The following HS6ST3 variants were observed in gnomAD, a reference collection of about 807,000 sequenced individuals.
HS6ST3 encodes heparan-sulfate 6-O-sulfotransferase 3.
HS6ST3 carries 12 observed loss-of-function variants against 36.7 expected under a neutral mutation model. The observed-to-expected ratio is 0.33, with a 90% CI of 0.21 to 0.53. HS6ST3 has a LOEUF of 0.53. Among genes scored for constraint, HS6ST3 ranks in the 20% least tolerant of loss-of-function variants. HS6ST3 has a pLI of 0.95. For synonymous variants in HS6ST3, 240 were observed against 257.5 expected (o/e 0.93, Z 0.65); for missense variants, 584 against 640.9 (o/e 0.91, Z 0.96).
At chr13:96,334,238 G>A (rs1304795700) in intron 1 of HS6ST3, among the ~76,000 whole-genome samples, 1 of 152,196 alleles carries the variant, frequency 6.6e-6, no homozygotes, top group Non-Finnish European at 1.5e-5. Context: ...TGTTGGAGGT[G>A]GGGCCTGGTG....
intron 1 of HS6ST3, among the ~76,000 whole-genome samples, chr13:96,765,561 G>T (rs1877087025): frequency 6.6e-6 from 1 of 151,190 alleles, no homozygotes; most frequent in Admixed American, 6.6e-5. Flanking sequence ...AAGTTTCTGT[G>T]AACAGAGATG....
At chr13:96,405,089 C>T (rs1237468342) in intron 1 of HS6ST3, among the ~76,000 whole-genome samples, 1 of 152,158 alleles carries the variant, frequency 6.6e-6, no homozygotes, top group Non-Finnish European at 1.5e-5. Flanking sequence ...AGCTGTGAGT[C>T]CAATTAAACC....
At chr13:96,215,810 G>GT (rs1314411175) in intron 1 of HS6ST3, among the ~76,000 whole-genome samples, 1 of 152,108 alleles carries the variant, frequency 6.6e-6, no homozygotes, top group African/African-American at 2.4e-5. Flanking sequence ...GCTTTGTATA[G>GT]TTGGACAATT....
chr13:96,242,372 A>T (rs2054565067), intron 1 of HS6ST3, among the ~76,000 whole-genome samples: 1 of 151,128 alleles, frequency 6.6e-6, no homozygotes. Context: ...CTACAGGTGC[A>T]CTCCTGGATA....
chr13:96,524,344 C>T (rs967882227), intron 1 of HS6ST3, among the ~76,000 whole-genome samples: 13 of 152,276 alleles, frequency 8.5e-5, no homozygotes, highest in African/African-American at 2.6e-4. Context: ...GCAGTCTGTC[C>T]GTTGTCAGAG....
rs535071092 is a variant in HS6ST3 at position 96,293,047 on chromosome 13, C to T, written c.707+201478C>T. Among the ~76,000 whole-genome samples, 10 of 151,992 alleles carry T rather than the reference C, an allele frequency of 6.6e-5. No homozygotes were observed. The East Asian group carries it at 1.2e-3, about 18-fold the overall frequency. The stretch of plus-strand genomic sequence containing the variant: ...TGGAGATATTAACATATGACACCTC[C>T]ACCCCCAAATCAATATTTTATTATT... On this transcript the variant is annotated intron_variant, in intron 1 of 1. Transcript: ENST00000376705.
chr13:96,224,544 A>G (rs1332773167), intron 1 of HS6ST3, among the ~76,000 whole-genome samples: 1 of 152,118 alleles, frequency 6.6e-6, no homozygotes, highest in African/African-American at 2.4e-5. Flanking sequence ...TTGAACTCCT[A>G]GGCTCAGTGA....
intron 1 of HS6ST3, among the ~76,000 whole-genome samples, chr13:96,250,995 C>T (rs923023036): frequency 5.9e-5 from 9 of 152,240 alleles, no homozygotes; most frequent in East Asian, 1.9e-4. Flanking sequence ...GGTTTTCTAG[C>T]ATTTTGTTCT....
chr13:96,183,571 A>G (rs2054250201), intron 1 of HS6ST3, among the ~76,000 whole-genome samples: 1 of 152,146 alleles, frequency 6.6e-6, no homozygotes, highest in Non-Finnish European at 1.5e-5. Flanking sequence ...TACTCTGTCC[A>G]TGACCACATC....
chr13:96,544,725 A>G (rs189208878), intron 1 of HS6ST3, among the ~76,000 whole-genome samples: 10 of 152,216 alleles, frequency 6.6e-5, no homozygotes, highest in Admixed American at 5.9e-4. Flanking sequence ...TTATTTGTGC[A>G]TAAAGTTTTC....
At chr13:96,688,260 C>A (rs1874845309) in intron 1 of HS6ST3, among the ~76,000 whole-genome samples, 1 of 150,742 alleles carries the variant, frequency 6.6e-6, no homozygotes, top group African/African-American at 2.5e-5. Flanking sequence ...CTCTCTCTGG[C>A]TTCAAATTTG....
At chr13:96,655,569 T>C (rs978778969) in intron 1 of HS6ST3, among the ~76,000 whole-genome samples, 2 of 152,114 alleles carry the variant, frequency 1.3e-5, no homozygotes, top group African/African-American at 2.4e-5. Flanking sequence ...ATTTATAAGA[T>C]TTTTTTGAAG....
At chr13:96,311,513 GA>G (rs2043216507) in intron 1 of HS6ST3, among the ~76,000 whole-genome samples, 1 of 152,142 alleles carries the variant, frequency 6.6e-6, no homozygotes, top group South Asian at 2.1e-4. Context: ...CTTATTCTTT[GA>G]TACTCCCGCC....
intron 1 of HS6ST3, among the ~76,000 whole-genome samples, chr13:96,495,829 T>C (rs1397401431): frequency 1.3e-5 from 2 of 152,002 alleles, no homozygotes; most frequent in Non-Finnish European, 2.9e-5. Context: ...CAAAACATCA[T>C]AAAAAAAATA....
chr13:96,699,132 A>T (rs2138451109), intron 1 of HS6ST3, among the ~76,000 whole-genome samples: 1 of 152,336 alleles, frequency 6.6e-6, no homozygotes, highest in African/African-American at 2.4e-5. Context: ...TGTTAGACCT[A>T]AAACCATAAA....
At chr13:96,458,317 G>A (rs573227774) in intron 1 of HS6ST3, among the ~76,000 whole-genome samples, 1 of 151,846 alleles carries the variant, frequency 6.6e-6, no homozygotes, top group South Asian at 2.1e-4. Context: ...AAAAAAAAGA[G>A]AGAGAGAGAG....
chr13:96,503,776 A>G (rs974928820), intron 1 of HS6ST3, among the ~76,000 whole-genome samples: 1 of 152,298 alleles, frequency 6.6e-6, no homozygotes, highest in African/African-American at 2.4e-5. Context: ...TTCAAAAACC[A>G]TACTGTCTTA....
rs139553069 is a variant in HS6ST3, at chr13:96,761,868, G to C, written c.708-70622G>C. On this transcript the variant is annotated intron_variant, in intron 1 of 1. Transcript: ENST00000376705. ...TTTATTCTGACCTTGAGAGGAAAAA[G>C]ATGTACAGTGTTTGCACAGTGCTCT... 5.8e-3 allele frequency among the ~76,000 whole-genome samples: 876 copies of C among 152,172 alleles called. 7 individuals carry two copies. Among genetic ancestry groups the C allele is most frequent in the African/African-American group, 0.02 (835 of 41,502 alleles).
chr13:96,575,631 A>G (rs1346552102), intron 1 of HS6ST3, among the ~76,000 whole-genome samples: 2 of 152,212 alleles, frequency 1.3e-5, no homozygotes, highest in African/African-American at 4.8e-5. Context: ...CTTGCCTAAC[A>G]GGTTTGGAAT....
Sources: allele counts gnomAD v4.1 joint callset (sites outside exome capture counted in the v4.1 genomes callset), GRCh38; gene constraint gnomAD v4.1.1; transcripts MANE v1.5; gene names NCBI Gene and HGNC (gene_info 2026-07-23, HGNC 2026-07-21).